PVT1: variants seen among roughly 807,000 people sequenced by gnomAD.
The protein encoded by PVT1 is CXCR4/PVT1 fusion.
intron 3 of PVT1, among the ~76,000 whole-genome samples, chr8:127,922,123 T>C (rs1816068488): frequency 6.6e-6 from 1 of 152,086 alleles, no homozygotes; most frequent in Non-Finnish European, 1.5e-5. Flanking sequence ...CCTCCCAAAA[T>C]GCAGGGATTA....
intron 3 of PVT1, among the ~76,000 whole-genome samples, chr8:127,900,186 C>A (rs567817464): frequency 6.6e-6 from 1 of 151,924 alleles, no homozygotes; most frequent in Non-Finnish European, 1.5e-5. Context: ...GGACTGCAGG[C>A]GCGTACCACC....
intron 4 of PVT1, among the ~76,000 whole-genome samples, chr8:128,044,511 G>A (rs1259427850): frequency 6.6e-6 from 1 of 152,188 alleles, no homozygotes; most frequent in Non-Finnish European, 1.5e-5. Flanking sequence ...GCTACTGACA[G>A]GCAAATCTGG....
chr8:127,799,696 A>C (rs1814440109), intron 2 of PVT1, among the ~76,000 whole-genome samples: 1 of 152,186 alleles, frequency 6.6e-6, no homozygotes, highest in African/African-American at 2.4e-5. Flanking sequence ...ATGACGAAAG[A>C]GATGATGAAC....
Position 127,798,024 on chromosome 8 carries a change from C to T in PVT1, n.372+1953C>T, listed in dbSNP as rs972256996. 4.6e-5 allele frequency among the ~76,000 whole-genome samples: 7 copies of T among 152,068 alleles called. No individual in the cohort carries two copies. In the South Asian group the frequency reaches 1.0e-3, roughly 23 times the overall value. On this transcript the variant is annotated intron_variant and non_coding_transcript_variant, in intron 2 of 10. Transcript: ENST00000651587. ...ATGAGGTTAAGAACAAGCAAAGGGC[C>T]GGGCGCGGTGGCTCACACCTGTAAT...
intron 4 of PVT1, among the ~76,000 whole-genome samples, chr8:128,023,258 C>T (rs955144222): frequency 1.3e-5 from 2 of 152,032 alleles, no homozygotes; most frequent in African/African-American, 2.4e-5. Flanking sequence ...TCACTGGTTC[C>T]GGGAGAAGAA....
intron 3 of PVT1, chr8:127,947,755 A>T (rs979320621): frequency 6.6e-6 from 3 of 456,446 alleles, no homozygotes; most frequent in Non-Finnish European, 1.3e-5. Flanking sequence ...CGATGATCAC[A>T]GTCCAGGGAC....
rs59006608 is a variant in PVT1, at chr8:127,937,580, C to CACACACACACACACAG, written n.782+46583_782+46584insCACACACACACACAGA. The stretch of plus-strand genomic sequence containing the variant: ...ACACACACACACACACACACACACA[C>CACACACACACACACAG]AGAGAGAGAGAGAGAGAGAGAGAGA... On this transcript the variant is annotated intron_variant and non_coding_transcript_variant, in intron 3 of 10. Coordinates refer to ENST00000651587, the Ensembl canonical transcript of PVT1. Among the ~76,000 whole-genome samples the CACACACACACACACAG allele has an allele frequency of 3.6e-3, 386 of 107,806 alleles. 2 individuals carry two copies. Among genetic ancestry groups the CACACACACACACACAG allele is most frequent in the African/African-American group, 6.5e-3 (176 of 26,972 alleles). 70.7% of individuals were successfully genotyped at this position (107,806 alleles called of 152,430 possible).
chr8:127,813,387 C>A (rs1323675774), intron 2 of PVT1, among the ~76,000 whole-genome samples: 1 of 151,866 alleles, frequency 6.6e-6, no homozygotes, highest in Non-Finnish European at 1.5e-5. Flanking sequence ...GTGTCTTCTC[C>A]TGCTCTCTGG....
At chr8:128,058,478 C>A (rs1474080506) in intron 4 of PVT1, among the ~76,000 whole-genome samples, 1 of 151,166 alleles carries the variant, frequency 6.6e-6, no homozygotes, top group Non-Finnish European at 1.5e-5. Context: ...GATAAATATA[C>A]TTTGACATCA....
intron 2 of PVT1, among the ~76,000 whole-genome samples, chr8:127,861,627 G>A (rs1815229517): frequency 6.6e-6 from 1 of 151,454 alleles, no homozygotes; most frequent in African/African-American, 2.4e-5. Flanking sequence ...AACTTGTTTT[G>A]AATATCTTTT....
At chr8:127,823,601 C>T (rs1814756522) in intron 2 of PVT1, among the ~76,000 whole-genome samples, 1 of 152,148 alleles carries the variant, frequency 6.6e-6, no homozygotes, top group African/African-American at 2.4e-5. Flanking sequence ...TCTGGACCCT[C>T]AGCAATGTCC....
At chr8:127,925,850 G>A (rs551475009) in intron 3 of PVT1, among the ~76,000 whole-genome samples, 2 of 152,062 alleles carry the variant, frequency 1.3e-5, no homozygotes, top group South Asian at 2.1e-4. Context: ...CATGTTGGCC[G>A]GGCTGCTCTC....
At chr8:127,831,955 G>T (rs1490748062) in intron 2 of PVT1, among the ~76,000 whole-genome samples, 1 of 152,182 alleles carries the variant, frequency 6.6e-6, no homozygotes, top group Non-Finnish European at 1.5e-5. Flanking sequence ...GAAGGCTAAT[G>T]TCACCATTAG....
chr8:127,878,487 G>A (rs1815430121), intron 2 of PVT1, among the ~76,000 whole-genome samples: 1 of 152,166 alleles, frequency 6.6e-6, no homozygotes, highest in African/African-American at 2.4e-5. Context: ...TCTCCCCCTA[G>A]CCTGTTTGTC....
chr8:127,949,552 C>T (rs1004045912), intron 3 of PVT1, among the ~76,000 whole-genome samples: 5 of 152,026 alleles, frequency 3.3e-5, no homozygotes, highest in South Asian at 2.1e-4. Context: ...CAGCCACCCC[C>T]ACCCCCCATC....
At chr8:127,906,184 A>G (rs1308535318) in intron 3 of PVT1, among the ~76,000 whole-genome samples, 3 of 152,146 alleles carry the variant, frequency 2.0e-5, no homozygotes, top group East Asian at 1.9e-4. Context: ...GCTTTCATGG[A>G]CAGACCCTAA....
chr8:127,894,583 T>C lies in PVT1; in HGVS notation n.782+3585T>C, dbSNP rs537340252. On this transcript the variant is annotated intron_variant and non_coding_transcript_variant, in intron 3 of 10. Coordinates refer to ENST00000651587, the Ensembl canonical transcript of PVT1. ...AGCAATGCAAGATGATTTCATGTTA[T>C]AGATAAGAATAAAAAAATTGTTTTG... Among the ~76,000 whole-genome samples the C allele has an allele frequency of 4.6e-5, 7 of 152,338 alleles. No homozygotes were observed. In the South Asian group the frequency reaches 1.2e-3, roughly 27 times the overall value.
chr8:127,993,382 A>C (rs1255621857), intron 4 of PVT1, among the ~76,000 whole-genome samples: 1 of 152,228 alleles, frequency 6.6e-6, no homozygotes, highest in African/African-American at 2.4e-5. Context: ...CTTTCAGTCC[A>C]GCTCATCTAG....
At chr8:127,820,220 C>T (rs544554868) in intron 2 of PVT1, among the ~76,000 whole-genome samples, 2 of 152,296 alleles carry the variant, frequency 1.3e-5, no homozygotes, top group South Asian at 2.1e-4. Context: ...GGATTAGCAG[C>T]AGGCTCATTC....
Sources: gnomAD v4.1 joint callset for allele counts (sites outside exome capture counted in the v4.1 genomes callset) on GRCh38, gnomAD v4.1.1 for gene constraint, MANE v1.5 for transcripts, NCBI Gene and HGNC (gene_info 2026-07-23, HGNC 2026-07-21) for gene names.